Variants in HS3ST1 observed in about 807,000 individuals in gnomAD.
HS3ST1 encodes the protein heparan sulfate glucosamine 3-O-sulfotransferase 1.
A neutral mutation model predicts 20.7 loss-of-function variants in HS3ST1; 8 were observed. That is an observed-to-expected ratio of 0.39 (90% CI 0.23 to 0.70). HS3ST1 has a LOEUF of 0.70. HS3ST1 is among the 30% of genes least tolerant of loss of function. The pLI is 0.46. For synonymous variants in HS3ST1, 205 were observed against 190.4 expected, an observed-to-expected ratio of 1.08 and a Z score of -0.63; for missense variants, 436 against 423.4, an observed-to-expected ratio of 1.03 and a Z score of -0.26.
intron 1 of HS3ST1, among the ~76,000 whole-genome samples, chr4:11,406,136 A>G (rs1718457854): frequency 6.6e-6 from 1 of 152,218 alleles, no homozygotes; most frequent in Non-Finnish European, 1.5e-5. Context: ...AGAAGGAAAG[A>G]GATTACCTGC....
chr4:11,431,016 G>A (rs1218506873), upstream of HS3ST1, among the ~76,000 whole-genome samples: 1 of 152,166 alleles, frequency 6.6e-6, no homozygotes, highest in African/African-American at 2.4e-5. Flanking sequence ...CTGGTCATGA[G>A]TTAGGTTTCT....
Position 11,397,029 on chromosome 4 carries a change from T to G in HS3ST1, c.*2053A>C, listed in dbSNP as rs1191471989. ...ATCTTCTTCAGTCAGAGACTCTCAT[T>G]GCAGTTTCCTTTCAGTCACCATATT... On this transcript the variant is annotated 3_prime_UTR_variant, in exon 2 of 2. Coordinates refer to ENST00000002596, the MANE Select transcript of HS3ST1 (RefSeq NM_005114.4). 6.6e-6 allele frequency: 1 copy of G among 152,272 alleles called. No individual in the cohort carries two copies. The highest frequency in any genetic ancestry group is 1.5e-5 in the Non-Finnish European group (1 of 68,070). The allele number at this position is 152,272 out of a possible 1,614,324, so 9.4% of individuals were successfully genotyped here.
chr4:11,427,512 G>A (rs946680277), intron 1 of HS3ST1, among the ~76,000 whole-genome samples: 1 of 152,190 alleles, frequency 6.6e-6, no homozygotes, highest in Non-Finnish European at 1.5e-5. Context: ...GGCCTCCCTA[G>A]AATCCCCCCA....
intron 1 of HS3ST1, among the ~76,000 whole-genome samples, chr4:11,418,483 A>T (rs1232571382): frequency 6.6e-6 from 1 of 152,194 alleles, no homozygotes; most frequent in Admixed American, 6.5e-5. Context: ...TTTCCCTGTC[A>T]TCAAATGCTT....
chr4:11,426,782 ACT>A (rs1415584091), intron 1 of HS3ST1, among the ~76,000 whole-genome samples: 10 of 152,240 alleles, frequency 6.6e-5, no homozygotes, highest in African/African-American at 2.4e-4. Flanking sequence ...ACCTGGAAAG[ACT>A]CTTTTAGAAG....
chr4:11,423,679 G>T (rs113913732), intron 1 of HS3ST1, among the ~76,000 whole-genome samples: 1 of 152,108 alleles, frequency 6.6e-6, no homozygotes, highest in Non-Finnish European at 1.5e-5. Context: ...CTCAATAAAC[G>T]TGTTAAAGGA....
intron 1 of HS3ST1, among the ~76,000 whole-genome samples, chr4:11,422,959 GT>G (rs1334156448): frequency 2.2e-5 from 3 of 138,770 alleles, no homozygotes; most frequent in Non-Finnish European, 4.5e-5. Context: ...GGAGGCAGAG[GT>G]TGCAGTGAGC....
intron 1 of HS3ST1, among the ~76,000 whole-genome samples, chr4:11,424,239 A>G (rs1454289785): frequency 6.6e-6 from 1 of 152,160 alleles, no homozygotes; most frequent in African/African-American, 2.4e-5. Context: ...ACCAAAAAGC[A>G]TAATGTATTA....
Position 11,399,932 on chromosome 4 carries a change from A to G in HS3ST1, c.74T>C (p.Leu25Pro). The change falls in exon 2 of 2, where the codon CTA becomes CCA. Residue 25 changes from leucine (L) to proline (P), a missense_variant. Transcript: ENST00000002596. This position sits in a 1 kb window ranked among gnomAD's most constrained non-coding sequence, Gnocchi z 5.1. ...PQLVPSRPAE[L>P]GQQELLRKAG... ...TTTCCGCAGAAGCTCCTGCTGGCCT[A>G]GCTCGGCGGGGCGGGAAGGCACTAG... 1.3e-6 allele frequency: 2 copies of G among 1,590,190 alleles called. No individual in the cohort carries two copies. The highest frequency in any genetic ancestry group is 3.5e-5 in the Admixed American group (2 of 57,442).
chr4:11,431,074 A>G (rs2240901), upstream of HS3ST1, among the ~76,000 whole-genome samples: 35,269 of 151,986 alleles, frequency 0.23, 4,938 homozygotes, highest in East Asian at 0.45. Flanking sequence ...CTATGACAAC[A>G]CAATCACATT....
At chr4:11,402,850 C>T (rs1246929329) in intron 1 of HS3ST1, among the ~76,000 whole-genome samples, 3 of 152,158 alleles carry the variant, frequency 2.0e-5, no homozygotes. Flanking sequence ...GGTTTCTTTC[C>T]TGAAGGAGAA....
At position 11,398,843 on chromosome 4, in the gene HS3ST1, A is replaced by T. The variant is rs77935499; in HGVS notation, c.*239T>A. 3,856 of 368,678 alleles carry T rather than the reference A, an allele frequency of 0.01. 29 individuals are homozygous for T. The highest frequency in any genetic ancestry group is 0.015 in the Non-Finnish European group (3,036 of 208,914). The allele number at this position is 368,678 out of a possible 1,614,324, so 22.8% of individuals were successfully genotyped here. ...TTCAGTGAAATAGTTTAGTTCCTTC[A>T]TATAGAGACATATTACACAATGTTA... is the stretch of plus-strand genomic sequence containing the variant. On this transcript the variant is annotated 3_prime_UTR_variant, in exon 2 of 2. Transcript: ENST00000002596.
intron 1 of HS3ST1, among the ~76,000 whole-genome samples, chr4:11,402,512 G>A (rs1256646988): frequency 6.6e-6 from 1 of 152,186 alleles, no homozygotes; most frequent in Non-Finnish European, 1.5e-5. Flanking sequence ...GCTCTTACAT[G>A]TTTGAGATGT....
intron 1 of HS3ST1, among the ~76,000 whole-genome samples, chr4:11,404,334 G>A (rs776248708): frequency 7.9e-5 from 12 of 152,164 alleles, no homozygotes; most frequent in Non-Finnish European, 1.5e-4. Flanking sequence ...CCAGGTGTGA[G>A]CCACCATACC....
upstream of HS3ST1, chr4:11,428,909 G>C (rs1560239556): frequency 6.6e-6 from 1 of 152,592 alleles, no homozygotes. Context: ...TTGCAGGCGG[G>C]CGTTTTGGTG....
intron 1 of HS3ST1, among the ~76,000 whole-genome samples, chr4:11,410,780 T>C (rs1437265032): frequency 2.6e-5 from 4 of 152,078 alleles, no homozygotes; most frequent in Non-Finnish European, 5.9e-5. Flanking sequence ...TAATCCCAGC[T>C]ACTCAGGAGG....
chr4:11,423,021 C>CAAAAAA (rs71181101), intron 1 of HS3ST1, among the ~76,000 whole-genome samples: 368 of 34,386 alleles, frequency 0.011, 111 homozygotes, highest in African/African-American at 0.021. Context: ...GAGACACCGT[C>CAAAAAA]AAAAAAAAAA....
intron 1 of HS3ST1, among the ~76,000 whole-genome samples, chr4:11,405,324 A>T (rs1007079696): frequency 6.6e-6 from 1 of 152,190 alleles, no homozygotes; most frequent in Non-Finnish European, 1.5e-5. Flanking sequence ...TCCTATCAGC[A>T]ACAGTAAGCT....
intron 1 of HS3ST1, among the ~76,000 whole-genome samples, chr4:11,414,472 A>C (rs1718719197): frequency 6.6e-6 from 1 of 152,222 alleles, no homozygotes; most frequent in Admixed American, 6.5e-5. Context: ...GCATGGTACC[A>C]TAAAGATGAG....
Sources: gnomAD v4.1 joint callset for allele counts (sites outside exome capture counted in the v4.1 genomes callset) on GRCh38, gnomAD v4.1.1 for gene constraint, Gnocchi (gnomAD v3.1) non-coding constraint, MANE v1.5 for transcripts, NCBI Gene and HGNC (gene_info 2026-07-23, HGNC 2026-07-21) for gene names.